FAM227B: variants seen among roughly 807,000 people sequenced by gnomAD.
FAM227B encodes family with sequence similarity 227 member B, also known as protein FAM227B.
In FAM227B, 88 loss-of-function variants were observed where a neutral mutation model predicts 73.8. The ratio of observed to expected loss-of-function variants is 1.19; its 90% confidence interval spans 1.00 to 1.42. The LOEUF (loss-of-function observed/expected upper bound fraction) is 1.42. Among genes scored for constraint, FAM227B ranks in the 40% most tolerant of loss-of-function variants. The pLI is 0.00. For missense variants in FAM227B, 632 were observed against 590.9 expected, an observed-to-expected ratio of 1.07 and a Z score of -0.72; for synonymous variants, 210 against 190.5, an observed-to-expected ratio of 1.10 and a Z score of -0.84.
chr15:49,557,453 A>G (rs962199899), intron 9 of FAM227B, among the ~76,000 whole-genome samples: 22 of 152,202 alleles, frequency 1.4e-4, no homozygotes, highest in African/African-American at 5.1e-4. Flanking sequence ...TCTTTTAGAA[A>G]GTCATGTACA....
intron 10 of FAM227B, among the ~76,000 whole-genome samples, chr15:49,540,176 C>G (rs1163446589): frequency 6.6e-6 from 1 of 152,178 alleles, no homozygotes; most frequent in Non-Finnish European, 1.5e-5. Context: ...AGGATGAACA[C>G]TAAGGGGACA....
chr15:49,601,739 T>A (rs1296969717), intron 3 of FAM227B, among the ~76,000 whole-genome samples: 1 of 152,206 alleles, frequency 6.6e-6, no homozygotes, highest in Admixed American at 6.5e-5. Context: ...TTACTCATTT[T>A]TTCTAACTAA....
intron 5 of FAM227B, among the ~76,000 whole-genome samples, chr15:49,579,460 C>T (rs1291201516): frequency 6.6e-6 from 1 of 152,052 alleles, no homozygotes; most frequent in Non-Finnish European, 1.5e-5. Context: ...TACTATTTAG[C>T]CATTAAACGA....
chr15:49,439,227 C>T (rs1325806127), intron 11 of FAM227B, among the ~76,000 whole-genome samples: 1 of 150,926 alleles, frequency 6.6e-6, no homozygotes, highest in Non-Finnish European at 1.5e-5. Flanking sequence ...TCCTGAGTGT[C>T]CTTATAACAT....
intron 11 of FAM227B, among the ~76,000 whole-genome samples, chr15:49,506,080 T>C (rs1479686302): frequency 3.3e-5 from 5 of 152,048 alleles, no homozygotes; most frequent in Non-Finnish European, 5.9e-5. Flanking sequence ...AATAAAAGTA[T>C]ATTTGCTCAA....
At chr15:49,477,037 G>C (rs111422065) in intron 11 of FAM227B, among the ~76,000 whole-genome samples, 3,279 of 147,794 alleles carry the variant, frequency 0.022, 144 homozygotes, top group African/African-American at 0.079. Flanking sequence ...TCCAGCCTGG[G>C]CGACAAAGCG....
chr15:49,605,873 T>C (rs891759706), intron 3 of FAM227B, among the ~76,000 whole-genome samples: 8 of 151,934 alleles, frequency 5.3e-5, no homozygotes, highest in Non-Finnish European at 7.4e-5. Context: ...GTGGGAGCTA[T>C]CCTGCCACTG....
chr15:49,610,076 G>A (rs2077788482), intron 3 of FAM227B, among the ~76,000 whole-genome samples: 1 of 151,882 alleles, frequency 6.6e-6, no homozygotes, highest in African/African-American at 2.4e-5. Context: ...ATCTTGATTT[G>A]ATTGGTATCA....
intron 6 of FAM227B, 82 bp from the exon 7 acceptor site, chr15:49,576,927 C>T: frequency 5.7e-6 from 4 of 707,264 alleles, no homozygotes; most frequent in Non-Finnish European, 9.7e-6. Flanking sequence ...AGAAGACCAA[C>T]ATTTAACTAT....
At chr15:49,430,976 AG>A (rs1328628770) in intron 11 of FAM227B, among the ~76,000 whole-genome samples, 1 of 149,636 alleles carries the variant, frequency 6.7e-6, no homozygotes, top group African/African-American at 2.5e-5. Context: ...ATTAGGGCAA[AG>A]CTTTTTTTAT....
chr15:49,412,556 C>T (rs1353530148), intron 11 of FAM227B, among the ~76,000 whole-genome samples: 2 of 151,656 alleles, frequency 1.3e-5, no homozygotes, highest in Admixed American at 6.6e-5. Context: ...AGTACATTGA[C>T]TTGTTTTTTG....
chr15:49,355,203 G>A (rs1276415490), intron 13 of FAM227B, among the ~76,000 whole-genome samples: 9 of 152,266 alleles, frequency 5.9e-5, no homozygotes, highest in East Asian at 5.8e-4. Flanking sequence ...CCAAAGGAAC[G>A]CAGTTCCTCA....
chr15:49,467,823 G>A (rs1204935648), intron 11 of FAM227B, among the ~76,000 whole-genome samples: 2 of 152,074 alleles, frequency 1.3e-5, no homozygotes, highest in Non-Finnish European at 2.9e-5. Flanking sequence ...AGAAAGGTGG[G>A]TCCCTTGCAT....
chr15:49,442,558 T>TG (rs772951264), intron 11 of FAM227B, among the ~76,000 whole-genome samples: 2 of 151,704 alleles, frequency 1.3e-5, no homozygotes, highest in Non-Finnish European at 1.5e-5. Flanking sequence ...CCAATTCCCT[T>TG]GTCACTCTCT....
At chr15:49,525,706 A>ATATT in intron 10 of FAM227B, among the ~76,000 whole-genome samples, 1 of 130,392 alleles carries the variant, frequency 7.7e-6, no homozygotes, top group South Asian at 2.7e-4. Context: ...ATATATATAT[A>ATATT]TATATATATA....
chr15:49,579,820 AT>A (rs953075156), intron 5 of FAM227B, among the ~76,000 whole-genome samples: 80 of 152,364 alleles, frequency 5.3e-4, no homozygotes, highest in African/African-American at 1.5e-3. Flanking sequence ...ACACAAAAAA[AT>A]GATAGCTATT....
chr15:49,590,917 T>G (rs1034595640), intron 3 of FAM227B, among the ~76,000 whole-genome samples: 1 of 152,186 alleles, frequency 6.6e-6, no homozygotes, highest in South Asian at 2.1e-4. Flanking sequence ...CATGCCACAG[T>G]TGCCTTTTTG....
chr15:49,618,183 A>G (rs2078419435), intron 1 of FAM227B, among the ~76,000 whole-genome samples: 1 of 152,212 alleles, frequency 6.6e-6, no homozygotes, highest in Non-Finnish European at 1.5e-5. Flanking sequence ...CCATTATTCT[A>G]TCTACTACAC....
chr15:49,345,419 GTGA>G (rs2041329596), intron 13 of FAM227B, among the ~76,000 whole-genome samples: 2 of 152,266 alleles, frequency 1.3e-5, no homozygotes, highest in South Asian at 4.1e-4. Context: ...CAACTCAGTG[GTGA>G]TGGTTTTCAG....
Sources: gnomAD v4.1 joint callset for allele counts (sites outside exome capture counted in the v4.1 genomes callset) on GRCh38, gnomAD v4.1.1 for gene constraint, MANE v1.5 for transcripts, NCBI Gene and HGNC (gene_info 2026-07-23, HGNC 2026-07-21) for gene names.